PTGFRN: variants seen among roughly 807,000 people sequenced by gnomAD.
The protein encoded by PTGFRN is prostaglandin F2 receptor negative regulator.
Under a neutral mutation model 83.2 loss-of-function variants are expected in PTGFRN, and 35 were observed. The observed-to-expected ratio is 0.42, with a 90% CI of 0.32 to 0.56. The LOEUF is 0.56. Among genes scored for constraint, PTGFRN ranks in the 20% least tolerant of loss-of-function variants. The probability of loss-of-function intolerance (pLI) is 0.11; values close to 1 mark genes in which losing one functional copy is unlikely to be tolerated. For synonymous variants in PTGFRN, 519 were observed against 498.6 expected (o/e 1.04, Z -0.55); for missense variants, 1,051 against 1,179.5 (o/e 0.89, Z 1.60).
chr1:116,928,004 T>G (rs1425251716), intron 1 of PTGFRN, among the ~76,000 whole-genome samples: 3 of 152,190 alleles, frequency 2.0e-5, no homozygotes, highest in African/African-American at 7.2e-5. Context: ...TAGATAACAT[T>G]AGAGCCAGAA....
At chr1:116,980,618 C>T (rs1651287925) in intron 7 of PTGFRN, among the ~76,000 whole-genome samples, 1 of 152,216 alleles carries the variant, frequency 6.6e-6, no homozygotes, top group Non-Finnish European at 1.5e-5. Context: ...AAAAACCAAA[C>T]ACCTCATGTT....
At position 116,918,545 on chromosome 1, in the gene PTGFRN, T is replaced by A. The variant is rs961776331; in HGVS notation, c.49+8293T>A. ...ATCCGCAGGGGATTCAAATGCATGC[T>A]AAAGTTTAAGAAGCATGTCTGGAGG... is the stretch of plus-strand genomic sequence containing the variant. On this transcript the variant is annotated intron_variant, in intron 1 of 8. Coordinates refer to ENST00000393203, the MANE Select transcript of PTGFRN (RefSeq NM_020440.4). The surrounding 1 kb of genome is among the most constrained non-coding windows in gnomAD (Gnocchi z 4.1). Among the ~76,000 whole-genome samples the A allele has an allele frequency of 2.0e-5, 3 of 152,184 alleles. No homozygotes were observed. Among genetic ancestry groups the A allele is most frequent in the Non-Finnish European group, 4.4e-5 (3 of 68,028 alleles).
chr1:116,978,181 G>A (rs907190398), intron 7 of PTGFRN, among the ~76,000 whole-genome samples: 17 of 152,054 alleles, frequency 1.1e-4, no homozygotes, highest in African/African-American at 2.9e-4. Flanking sequence ...AGGAAGAAGC[G>A]GAATCCCTGA....
At chr1:116,965,101 C>T (rs1650787042) in intron 5 of PTGFRN, among the ~76,000 whole-genome samples, 1 of 152,086 alleles carries the variant, frequency 6.6e-6, no homozygotes, top group African/African-American at 2.4e-5. Context: ...CCTCACCTAG[C>T]ACCCTCCCCA....
intron 1 of PTGFRN, among the ~76,000 whole-genome samples, chr1:116,940,506 G>A (rs1650034121): frequency 6.6e-6 from 1 of 152,144 alleles, no homozygotes; most frequent in Admixed American, 6.5e-5. Flanking sequence ...TGCCAAATAT[G>A]GTCACATTCT....
intron 1 of PTGFRN, among the ~76,000 whole-genome samples, chr1:116,938,153 T>A (rs1649968075): frequency 6.6e-6 from 1 of 152,130 alleles, no homozygotes; most frequent in South Asian, 2.1e-4. Flanking sequence ...CACTGCTGGG[T>A]AGTGATATAT....
intron 1 of PTGFRN, among the ~76,000 whole-genome samples, chr1:116,931,496 CTTTTTTTTTT>C (rs10597434): frequency 7.5e-6 from 1 of 132,918 alleles, no homozygotes; most frequent in Non-Finnish European, 1.7e-5. Context: ...TGAACTTTTT[CTTTTTTTTTT>C]TTTTTAATGA....
chr1:116,976,715 T>G (rs1302413821), intron 7 of PTGFRN, among the ~76,000 whole-genome samples: 1 of 152,152 alleles, frequency 6.6e-6, no homozygotes, highest in Non-Finnish European at 1.5e-5. Context: ...CAAGAGCTCC[T>G]GAAGGAAGCA....
intron 8 of PTGFRN, 28 bp from the exon 9 acceptor site, chr1:116,986,773 G>A: frequency 1.9e-6 from 3 of 1,610,684 alleles, no homozygotes; most frequent in African/African-American, 2.7e-5. Flanking sequence ...AGCACTGACT[G>A]GCTTCCCCTT....
At chr1:116,938,299 C>T (rs1393228084) in intron 1 of PTGFRN, among the ~76,000 whole-genome samples, 1 of 152,150 alleles carries the variant, frequency 6.6e-6, no homozygotes, top group Admixed American at 6.5e-5. Context: ...CGTTTTCACG[C>T]TGCTGATAAA....
At chr1:116,917,244 T>C (rs1398907676) in intron 1 of PTGFRN, among the ~76,000 whole-genome samples, 1 of 151,674 alleles carries the variant, frequency 6.6e-6, no homozygotes, top group Non-Finnish European at 1.5e-5. Flanking sequence ...CCTTTTCAAG[T>C]GGTGTGGAGC....
In PTGFRN at chr1:116,910,058, A is replaced by G; in HGVS notation, c.-146A>G. On this transcript the variant is annotated 5_prime_UTR_variant, in exon 1 of 9. Transcript: ENST00000393203. ...GGCGCACGTACGCCCCAGCGCTGGG[A>G]TTTATCGGCTCGCGAGGAGAGCGGA... is the stretch of plus-strand genomic sequence containing the variant. 1 of 884,548 alleles carries G rather than the reference A, an allele frequency of 1.1e-6. No homozygotes were observed. Among genetic ancestry groups the G allele is most frequent in the Non-Finnish European group, 1.8e-6 (1 of 566,104 alleles). The allele number at this position is 884,548 out of a possible 1,614,324, so 54.8% of individuals were successfully genotyped here.
In PTGFRN at chr1:116,945,074, G is replaced by A. The variant is rs1290668315; in HGVS notation, c.814G>A (p.Val272Met). The A allele has an allele frequency of 6.2e-7, 1 of 1,612,798 alleles. No homozygotes were observed. Among genetic ancestry groups the A allele is most frequent in the Non-Finnish European group, 8.5e-7 (1 of 1,179,534 alleles). Residue 272 changes from valine (V) to methionine (M), a missense_variant, in exon 3 of 9, where the codon GTG becomes ATG. Around this residue, in one of 3 missense-constraint regions of PTGFRN, gnomAD observed 719 missense variants for 836.6 expected, o/e 0.86. Transcript: ENST00000393203. ...IQEKAVEVAT[V>M]VIQPSVLRAA... ...AGAAAAGGCCGTGGAAGTTGCCACC[G>A]TGGTGATCCAGCCATCAGGTGAGCT...
chr1:116,911,886 C>T (rs1445908526), intron 1 of PTGFRN, among the ~76,000 whole-genome samples: 1 of 152,222 alleles, frequency 6.6e-6, no homozygotes, highest in African/African-American at 2.4e-5. Flanking sequence ...TTATAGTCCA[C>T]ACACATTAAT....
In PTGFRN at chr1:116,941,361, A is replaced by G. The variant is rs1433834489; in HGVS notation, c.50-354A>G. On this transcript the variant is annotated intron_variant, in intron 1 of 8. Transcript: ENST00000393203. The surrounding 1 kb of genome is among the most constrained non-coding windows in gnomAD (Gnocchi z 5.0). ...AACACTTGACTGGCTGTGCCCTTTT[A>G]TTTCACACAAAACCTAAAATATTTT... 6.6e-6 allele frequency among the ~76,000 whole-genome samples: 1 copy of G among 152,112 alleles called. No individual in the cohort carries two copies. The highest frequency in any genetic ancestry group is 1.5e-5 in the Non-Finnish European group (1 of 68,012).
At position 116,951,524 on chromosome 1, in the gene PTGFRN, T is replaced by A. The variant is rs375024177; in HGVS notation, c.1213+1952T>A. Among the ~76,000 whole-genome samples, 126 of 152,348 alleles carry A rather than the reference T, an allele frequency of 8.3e-4. 4 individuals carry two copies. In the South Asian group the frequency reaches 0.025, roughly 31 times the overall value. ...GGGTAAATAAACCAGTACCCACACA[T>A]GGATTTTGTTAAAATATGTGCATAG... On this transcript the variant is annotated intron_variant, in intron 4 of 8. Coordinates refer to ENST00000393203, the MANE Select transcript of PTGFRN (RefSeq NM_020440.4).
chr1:116,949,258 A>C lies in PTGFRN; in HGVS notation c.899A>C (p.Asn300Thr). ...GGAAAGGAACTGGACCTGACCTGTA[A>C]CATCACAACAGACCGAGCCGATGAC... ...AEGKELDLTCNITTDRADDVR... is the reference protein window; with the variant it reads ...AEGKELDLTCTITTDRADDVR... Residue 300 changes from asparagine (N) to threonine (T), a missense_variant, in exon 4 of 9, where the codon AAC (asparagine) becomes ACC (threonine). Asn to Thr is a moderately conservative substitution (Grantham distance 65). Coordinates refer to ENST00000393203, the MANE Select transcript of PTGFRN (RefSeq NM_020440.4). 3 of 1,613,934 alleles carry C rather than the reference A, an allele frequency of 1.9e-6. No individual in the cohort carries two copies. The highest frequency in any genetic ancestry group is 2.5e-6 in the Non-Finnish European group (3 of 1,179,820).
intron 7 of PTGFRN, among the ~76,000 whole-genome samples, chr1:116,979,690 C>T (rs10801920): frequency 0.34 from 50,715 of 149,912 alleles, 8,394 homozygotes; most frequent in African/African-American, 0.46. Flanking sequence ...GAAACTGGAT[C>T]CCTTCCTTAC....
intron 1 of PTGFRN, among the ~76,000 whole-genome samples, chr1:116,915,790 C>T (rs1649389551): frequency 6.6e-6 from 1 of 152,188 alleles, no homozygotes; most frequent in Admixed American, 6.5e-5. Flanking sequence ...GGATGCTGTC[C>T]AGGCAGTTCA....
Sources: gnomAD v4.1 joint callset for allele counts (sites outside exome capture counted in the v4.1 genomes callset) on GRCh38, gnomAD v4.1.1 for gene constraint, gnomAD v4.1.1 regional missense constraint, Gnocchi (gnomAD v3.1) non-coding constraint, MANE v1.5 for transcripts, NCBI Gene and HGNC (gene_info 2026-07-23, HGNC 2026-07-21) for gene names.